UNC13A: variants seen among roughly 807,000 people sequenced by gnomAD.
UNC13A encodes the protein unc-13 homolog A.
A neutral mutation model predicts 219.7 loss-of-function variants in UNC13A; 61 were observed. The ratio of observed to expected loss-of-function variants is 0.28; its 90% CI spans 0.23 to 0.34. The LOEUF (loss-of-function observed/expected upper bound fraction) is 0.34. Among genes scored for constraint, UNC13A ranks in the 10% least tolerant of loss-of-function variants. The pLI is 1.00. For synonymous variants in UNC13A, 920 were observed against 884.6 expected (o/e 1.04, Z -0.71); for missense variants, 1,476 against 2,270.3 (o/e 0.65, Z 7.11).
intron 43 of UNC13A, among the ~76,000 whole-genome samples, chr19:17,609,317 C>G (rs1185895862): frequency 1.3e-5 from 2 of 151,928 alleles, no homozygotes; most frequent in Non-Finnish European, 2.9e-5. Context: ...CCTCTAGACC[C>G]TATCCTGATA....
intron 11 of UNC13A, among the ~76,000 whole-genome samples, chr19:17,653,939 G>C (rs2079401374): frequency 6.8e-6 from 1 of 146,618 alleles, no homozygotes; most frequent in South Asian, 2.1e-4. Context: ...CCATTCTCCT[G>C]CCTCAGCCTC....
chr19:17,665,703 T>G (rs1310528242), intron 7 of UNC13A, among the ~76,000 whole-genome samples: 1 of 152,192 alleles, frequency 6.6e-6, no homozygotes, highest in African/African-American at 2.4e-5. Context: ...GCTGGCAGGA[T>G]CTTCTGCCTG....
chr19:17,680,898 T>TTTTTTC (rs2080001955), intron 1 of UNC13A, among the ~76,000 whole-genome samples: 1 of 105,240 alleles, frequency 9.5e-6, no homozygotes, highest in African/African-American at 3.9e-5. Flanking sequence ...TCTTTTTTTT[T>TTTTTTC]TTTTTTTTTT....
rs761248282 is a variant in UNC13A at position 17,656,335 on chromosome 19, G to A, written c.831C>T (p.Ser277=). 4.0e-5 allele frequency: 63 copies of A among 1,558,722 alleles called. No individual in the cohort carries two copies. Among genetic ancestry groups the A allele is most frequent in the Non-Finnish European group, 5.1e-5 (59 of 1,152,074 alleles). The change falls in exon 10 of 44, where the codon AGC becomes AGT. Residue 277 remains serine (S), a synonymous_variant. Coordinates refer to ENST00000519716, the MANE Select transcript of UNC13A (RefSeq NM_001080421.3). ...TGTGCTCGTCAGGGTCGAAGTCCTC[G>A]CTCAGCTGAGAGCTTCCCTGGCTCA... is the stretch of plus-strand genomic sequence containing the variant. The part of the protein sequence containing the change: ...GELSQGSSQL[S]EDFDPDEHSL...
chr19:17,621,801 C>A, intron 37 of UNC13A, 31 bp downstream of exon 37: 1 of 1,611,808 alleles, frequency 6.2e-7, no homozygotes, highest in Non-Finnish European at 8.5e-7. Flanking sequence ...CACTGGAGCT[C>A]AGGGCCTCAG....
At chr19:17,656,521 G>A in intron 9 of UNC13A, 123 bp from the exon 10 acceptor site, 1 of 1,076,442 alleles carries the variant, frequency 9.3e-7, no homozygotes, top group East Asian at 2.7e-5. Context: ...CCTGCTCTAG[G>A]GGCTGGAAAA....
intron 7 of UNC13A, 92 bp downstream of exon 7, chr19:17,666,558 G>T: frequency 1.0e-6 from 1 of 991,442 alleles, no homozygotes; most frequent in Admixed American, 3.5e-5. Flanking sequence ...TTGTATCTCC[G>T]GACTGGAGGA....
chr19:17,683,861 G>A lies in UNC13A; in HGVS notation c.22+4317C>T, dbSNP rs577648210. Among the ~76,000 whole-genome samples, 80 of 151,952 alleles carry A rather than the reference G, an allele frequency of 5.3e-4. 1 individual carries two copies. The South Asian group carries it at 0.014, about 27-fold the overall frequency. ...CCTAGCACTTTGGGAGGCTGAGGAGGGTGAATCACTTGAGCCCAGGAGTTC... is the reference window on the plus strand; with the variant it reads ...CCTAGCACTTTGGGAGGCTGAGGAGAGTGAATCACTTGAGCCCAGGAGTTC... On this transcript the variant is annotated intron_variant, in intron 1 of 43. Coordinates refer to ENST00000519716, the MANE Select transcript of UNC13A (RefSeq NM_001080421.3).
chr19:17,612,417 C>T (rs1193453118), intron 41 of UNC13A, among the ~76,000 whole-genome samples: 2 of 152,188 alleles, frequency 1.3e-5, no homozygotes, highest in Non-Finnish European at 2.9e-5. Context: ...CATCCAGAAG[C>T]AGAGCCATGT....
chr19:17,604,638 CAT>C lies in UNC13A; in HGVS notation c.*1414_*1415del, dbSNP rs1192739221. The C allele has an allele frequency of 2.0e-5, 3 of 152,442 alleles. No individual in the cohort carries two copies. Among genetic ancestry groups the C allele is most frequent in the African/African-American group, 4.8e-5 (2 of 41,584 alleles). 9.4% of individuals were successfully genotyped at this position (152,442 alleles called of 1,614,324 possible). On this transcript the variant is annotated 3_prime_UTR_variant, in exon 44 of 44. Coordinates refer to ENST00000519716, the MANE Select transcript of UNC13A (RefSeq NM_001080421.3). Reference sequence around the variant, plus strand: ...AGCAGAAAAAGGCGTGCCATACACACATGTGGAAAAGCAGATCCCAGAGCAAG... The same window carrying C: ...AGCAGAAAAAGGCGTGCCATACACACGTGGAAAAGCAGATCCCAGAGCAAG...
At chr19:17,652,242 T>C (rs903871540) in intron 12 of UNC13A, among the ~76,000 whole-genome samples, 8 of 152,086 alleles carry the variant, frequency 5.3e-5, no homozygotes, top group Non-Finnish European at 1.2e-4. Flanking sequence ...AGTAATTATC[T>C]TGCCTCAGCA....
At chr19:17,675,650 G>A (rs1164540577) in intron 2 of UNC13A, among the ~76,000 whole-genome samples, 9 of 144,274 alleles carry the variant, frequency 6.2e-5, no homozygotes, top group African/African-American at 2.5e-4. Context: ...AAAAAAAGAA[G>A]AAGAAGAAAA....
chr19:17,632,465 T>A (rs1302785862), intron 28 of UNC13A, among the ~76,000 whole-genome samples: 1 of 152,254 alleles, frequency 6.6e-6, no homozygotes, highest in Admixed American at 6.5e-5. Context: ...TGTGCCACCA[T>A]GCCTGGCCAT....
chr19:17,615,786 C>A (rs762988538), intron 41 of UNC13A, among the ~76,000 whole-genome samples: 90 of 152,210 alleles, frequency 5.9e-4, no homozygotes, highest in Middle Eastern at 6.8e-3. Flanking sequence ...TCAGCCTGGG[C>A]AACAAAGTGA....
Position 17,606,201 on chromosome 19 carries a change from G to T in UNC13A, c.4965C>A (p.Leu1655=). The T allele has an allele frequency of 6.4e-7, 1 of 1,551,546 alleles. No individual in the cohort carries two copies. Among genetic ancestry groups the T allele is most frequent in the Non-Finnish European group, 8.7e-7 (1 of 1,150,694 alleles). The change falls in exon 44 of 44, where the codon CTC becomes CTA. Residue 1655 remains leucine (L), a synonymous_variant. Transcript: ENST00000519716. The part of the protein sequence containing the change: ...QRGSAACWLP[L]GRRIHMDDTG... ...TGTCGTCCATGTGGATGCGGCGGCC[G>T]AGCGGCAGCCAGCAGGCGGCGCTCC...
At chr19:17,663,661 G>T in intron 7 of UNC13A, 94 bp from the exon 8 acceptor site, 7 of 1,335,060 alleles carry the variant, frequency 5.2e-6, no homozygotes, top group Non-Finnish European at 7.3e-6. Flanking sequence ...CTCCCCAACT[G>T]CTCCCCCCAC....
At position 17,647,246 on chromosome 19, in the gene UNC13A, G is replaced by A; in HGVS notation, c.2044+19C>T. On this transcript the variant is annotated intron_variant, in intron 17 of 43. Coordinates refer to ENST00000519716, the MANE Select transcript of UNC13A (RefSeq NM_001080421.3). Reference sequence around the variant, plus strand: ...AGGGTGGAGAAGGAGGGGCCCTATGGCGGCCCACGCCCCCTCACCGGTGAT... The same window carrying A: ...AGGGTGGAGAAGGAGGGGCCCTATGACGGCCCACGCCCCCTCACCGGTGAT... The A allele has an allele frequency of 1.9e-6, 3 of 1,548,766 alleles. No individual in the cohort carries two copies. Among genetic ancestry groups the A allele is most frequent in the African/African-American group, 2.7e-5 (2 of 73,272 alleles).
Position 17,658,102 on chromosome 19 carries a change from TGGAGTCACTGTA to T in UNC13A, c.715_726del (p.Tyr239_Ser242del), listed in dbSNP as rs771370694. On this transcript the variant is annotated inframe_deletion, in exon 9 of 44. Transcript: ENST00000519716. Reference sequence around the variant, plus strand: ...TCAGAGAACTCCTCGTAACTGTGCATGGAGTCACTGTAGGACTCCCGGGAGCCCAGGGGTGGT... The same window carrying T: ...TCAGAGAACTCCTCGTAACTGTGCATGGACTCCCGGGAGCCCAGGGGTGGT... 2.0e-5 allele frequency: 33 copies of T among 1,613,704 alleles called. No homozygotes were observed. Among genetic ancestry groups the T allele is most frequent in the Non-Finnish European group, 2.5e-5 (29 of 1,179,862 alleles).
chr19:17,641,392 C>T lies in UNC13A; in HGVS notation c.2636+1G>A. 4 of 1,613,782 alleles carry T rather than the reference C, an allele frequency of 2.5e-6. No homozygotes were observed. Among genetic ancestry groups the T allele is most frequent in the Non-Finnish European group, 2.5e-6 (3 of 1,179,786 alleles). ...TCCTGCACCCCAGCCTGCAGTCTCA[C>T]GTCATGGCTTGGTAGATGGACTCGA... On this transcript the variant is annotated splice_donor_variant, in intron 21 of 43. Transcript: ENST00000519716. LOFTEE classifies it high-confidence loss of function.
Sources: allele counts gnomAD v4.1 joint callset (sites outside exome capture counted in the v4.1 genomes callset), GRCh38; gene constraint gnomAD v4.1.1; transcripts MANE v1.5; gene names NCBI Gene and HGNC (gene_info 2026-07-23, HGNC 2026-07-21).